Variants in PSMC4 observed in about 807,000 individuals in gnomAD.
The protein encoded by PSMC4 is 26S proteasome regulatory subunit 6B.
In PSMC4, 13 loss-of-function variants were observed where a neutral mutation model predicts 48.4. The ratio of observed to expected loss-of-function variants is 0.27; its 90% CI spans 0.18 to 0.43. The LOEUF (loss-of-function observed/expected upper bound fraction) is 0.43, where lower values mean the gene tolerates loss of function less well. PSMC4 is among the 20% of genes least tolerant of loss of function. The pLI, the probability that PSMC4 is intolerant of heterozygous loss-of-function variation, is 1.00. For missense variants in PSMC4, 262 were observed against 555.9 expected (o/e 0.47, Z 5.32); for synonymous variants, 202 against 212.3 (o/e 0.95, Z 0.42).
chr19:39,981,393 T>C lies in PSMC4; in HGVS notation c.*88T>C, dbSNP rs1234522846. On this transcript the variant is annotated 3_prime_UTR_variant, in exon 11 of 11. Coordinates refer to ENST00000157812, the MANE Select transcript of PSMC4 (RefSeq NM_006503.4). ...CTGTCCCAAAACCTCATTCCCTTTT[T>C]TCTTTACCCAGGATTGGTTTCTTCA... The C allele has an allele frequency of 2.2e-6, 2 of 915,924 alleles. No homozygotes were observed. The highest frequency in any genetic ancestry group is 1.4e-5 in the South Asian group (1 of 71,908). 56.7% of individuals were successfully genotyped at this position (915,924 alleles called of 1,614,324 possible).
chr19:39,976,397 G>A (rs1399190175), intron 6 of PSMC4, among the ~76,000 whole-genome samples: 20 of 87,868 alleles, frequency 2.3e-4, no homozygotes, highest in African/African-American at 1.2e-3. Flanking sequence ...GTGAGACTCC[G>A]TCTCAAAAAA....
At chr19:39,972,745 T>G (rs77447943) in intron 3 of PSMC4, among the ~76,000 whole-genome samples, 190 bp downstream of exon 3, 1 of 149,528 alleles carries the variant, frequency 6.7e-6, no homozygotes, top group Non-Finnish European at 1.5e-5. Context: ...ATGTTTTTTT[T>G]GTTTGTTTGT....
In PSMC4 at chr19:39,972,533, A is replaced by T; in HGVS notation, c.300A>T (p.Thr100=). 6.2e-7 allele frequency: 1 copy of T among 1,613,574 alleles called. No homozygotes were observed. The highest frequency in any genetic ancestry group is 8.5e-7 in the Non-Finnish European group (1 of 1,179,636). ...GQFLEAVDQN[T]AIVGSTTGSN... is the part of the protein sequence containing the mutation. ...TTCTGGAGGCTGTGGATCAGAATAC[A>T]GCCATCGTGGGCTCTACCACAGGTG... The change falls in exon 3 of 11, where the codon ACA becomes ACT. Residue 100 remains threonine, a synonymous_variant. Coordinates refer to ENST00000157812, the MANE Select transcript of PSMC4 (RefSeq NM_006503.4).
chr19:39,975,920 T>C (rs191195554), intron 6 of PSMC4, among the ~76,000 whole-genome samples: 13 of 152,210 alleles, frequency 8.5e-5, no homozygotes, highest in Admixed American at 3.9e-4. Context: ...GACTGTTTAT[T>C]GAACACCCAC....
Position 39,974,689 on chromosome 19 carries a change from G to A in PSMC4, c.580-46G>A, listed in dbSNP as rs756873794. On this transcript the variant is annotated intron_variant, in intron 5 of 10. Coordinates refer to ENST00000157812, the MANE Select transcript of PSMC4 (RefSeq NM_006503.4). The surrounding 1 kb of genome is among the most constrained non-coding windows in gnomAD (Gnocchi z 5.5). ...AGGCCCCATTGGGTCTGGGGTTGGA[G>A]GTGGAACCCCTGACTCCCACTTCTC... The A allele has an allele frequency of 6.2e-7, 1 of 1,610,566 alleles. No individual in the cohort carries two copies.
Position 39,974,822 on chromosome 19 carries a change from A to C in PSMC4, c.667A>C (p.Thr223Pro). 1 of 1,613,604 alleles carries C rather than the reference A, an allele frequency of 6.2e-7. No individual in the cohort carries two copies. The highest frequency in any genetic ancestry group is 8.5e-7 in the Non-Finnish European group (1 of 1,179,616). ...TMLAKAVAHH[T>P]TAAFIRVVGS... Reference sequence around the variant, plus strand: ...GTTGGCAAAGGCGGTGGCACATCACACAACAGGTGAGCCCTTTCGCCCCTG... The same window carrying C: ...GTTGGCAAAGGCGGTGGCACATCACCCAACAGGTGAGCCCTTTCGCCCCTG... The change falls in exon 6 of 11, where the codon ACA (threonine) becomes CCA (proline). Residue 223 changes from threonine to proline, a missense_variant. Physicochemically the swap from Thr to Pro is conservative, Grantham distance 38. Around this residue, in one of 4 missense-constraint regions of PSMC4, gnomAD observed 131 missense variants for 276.7 expected, o/e 0.47. Coordinates refer to ENST00000157812, the MANE Select transcript of PSMC4 (RefSeq NM_006503.4). This position sits in a 1 kb window ranked among gnomAD's most constrained non-coding sequence, Gnocchi z 5.5.
At position 39,981,203 on chromosome 19, in the gene PSMC4, G is replaced by C; in HGVS notation, c.1155G>C (p.Leu385Phe). ...INSICQESGM[L>F]AVRENRYIVL... ...TCATCCTTCAACAGAGTGGAATGTTGGCTGTCCGTGAAAACCGCTACATTG... is the reference window on the plus strand; with the variant it reads ...TCATCCTTCAACAGAGTGGAATGTTCGCTGTCCGTGAAAACCGCTACATTG... Residue 385 changes from leucine (L) to phenylalanine (F), a missense_variant, in exon 11 of 11, where the codon TTG (leucine) becomes TTC (phenylalanine). By Grantham distance (22) the Leu-to-Phe change is conservative. Coordinates refer to ENST00000157812, the MANE Select transcript of PSMC4 (RefSeq NM_006503.4). The C allele has an allele frequency of 6.2e-7, 1 of 1,613,670 alleles. No individual in the cohort carries two copies.
At position 39,974,582 on chromosome 19, in the gene PSMC4, G is replaced by A. The variant is rs1416673833; in HGVS notation, c.528G>A (p.Glu176=). The change falls in exon 5 of 11, where the codon GAG becomes GAA. Residue 176 remains glutamate (E), a synonymous_variant. Transcript: ENST00000157812. This position sits in a 1 kb window ranked among gnomAD's most constrained non-coding sequence, Gnocchi z 5.5. ...DIGGMDIQKQ[E]VREAVELPLT... ...GAGGCATGGACATCCAGAAGCAGGA[G>A]GTGCGGGAGGCCGTGGAGCTCCCGC... 2 of 1,614,116 alleles carry A rather than the reference G, an allele frequency of 1.2e-6. No individual in the cohort carries two copies. Among genetic ancestry groups the A allele is most frequent in the Admixed American group, 1.7e-5 (1 of 60,014 alleles).
intron 6 of PSMC4, among the ~76,000 whole-genome samples, chr19:39,978,083 C>T (rs1028122202): frequency 3.3e-5 from 5 of 152,222 alleles, no homozygotes; most frequent in Non-Finnish European, 7.3e-5. Flanking sequence ...CCTCAGCTCC[C>T]CAAAGTGTTG....
At position 39,971,207 on chromosome 19, in the gene PSMC4, A is replaced by T. The variant is rs1971095053; in HGVS notation, c.5A>T (p.Glu2Val). The change falls in exon 1 of 11, where the codon GAG (glutamate) becomes GTG (valine). Residue 2 changes from glutamate to valine, a missense_variant. By Grantham distance (121) the Glu-to-Val change is moderately radical. Transcript: ENST00000157812. M[E>V]EIGILVEKAQ... ...ACAGAGGCCGGCTTGGTCACTATGG[A>T]GGAGATAGGCATCTTGGTGGAGAAG... is the stretch of plus-strand genomic sequence containing the variant. 1 of 1,614,012 alleles carries T rather than the reference A, an allele frequency of 6.2e-7. No individual in the cohort carries two copies. Among genetic ancestry groups the T allele is most frequent in the African/African-American group, 1.3e-5 (1 of 74,918 alleles).
rs776963907 is a variant in PSMC4, at chr19:39,980,723, T to C, written c.1143+6T>C. 6.2e-7 allele frequency: 1 copy of C among 1,613,656 alleles called. No homozygotes were observed. The highest frequency in any genetic ancestry group is 1.7e-5 in the Admixed American group (1 of 60,012). Reference sequence around the variant, plus strand: ...TTAACTCCATCTGTCAGGAGGTAAGTGGTGGTTTCTCTCTGGATCCAGGCA... The same window carrying C: ...TTAACTCCATCTGTCAGGAGGTAAGCGGTGGTTTCTCTCTGGATCCAGGCA... On this transcript the variant is annotated splice_donor_region_variant and intron_variant, in intron 10 of 10. Coordinates refer to ENST00000157812, the MANE Select transcript of PSMC4 (RefSeq NM_006503.4). This position sits in a 1 kb window ranked among gnomAD's most constrained non-coding sequence, Gnocchi z 4.8.
chr19:39,976,609 C>T (rs1262027109), intron 6 of PSMC4, among the ~76,000 whole-genome samples: 3 of 145,280 alleles, frequency 2.1e-5, no homozygotes, highest in Admixed American at 6.9e-5. Flanking sequence ...CCCAGGTTCA[C>T]ACCATTCTCC....
Position 39,980,549 on chromosome 19 carries a change from A to G in PSMC4, c.1087+95A>G. On this transcript the variant is annotated intron_variant, in intron 9 of 10. Transcript: ENST00000157812. The surrounding 1 kb of genome is among the most constrained non-coding windows in gnomAD (Gnocchi z 4.8). Reference sequence around the variant, plus strand: ...GCCAGCACCACAGCCCAGACTGTGCAGGTGGGACCAAGGTCCAGGGAGGAG... The same window carrying G: ...GCCAGCACCACAGCCCAGACTGTGCGGGTGGGACCAAGGTCCAGGGAGGAG... 1 of 1,585,494 alleles carries G rather than the reference A, an allele frequency of 6.3e-7. No individual in the cohort carries two copies. The highest frequency in any genetic ancestry group is 1.1e-5 in the South Asian group (1 of 90,060).
intron 3 of PSMC4, among the ~76,000 whole-genome samples, chr19:39,972,822 T>C (rs1971125887): frequency 6.6e-6 from 1 of 152,080 alleles, no homozygotes; most frequent in African/African-American, 2.4e-5. Flanking sequence ...CTCGGCTCAC[T>C]GCAACCTCCA....
In PSMC4 at chr19:39,975,276, A is replaced by G. The variant is rs1971179143; in HGVS notation, c.673+448A>G. On this transcript the variant is annotated intron_variant, in intron 6 of 10. Coordinates refer to ENST00000157812, the MANE Select transcript of PSMC4 (RefSeq NM_006503.4). ...TGTGGTTCTTCAAAAATATATATAT[A>G]TATTTTAATTCTTAAATTTTTTTGT... Among the ~76,000 whole-genome samples, 3 of 152,030 alleles carry G rather than the reference A, an allele frequency of 2.0e-5. 1 individual carries two copies. The South Asian group carries it at 6.2e-4, about 31-fold the overall frequency.
rs762211596 is a variant in PSMC4, at chr19:39,980,724, G to A, written c.1143+7G>A. 1.2e-5 allele frequency: 20 copies of A among 1,613,592 alleles called. No individual in the cohort carries two copies. The highest frequency in any genetic ancestry group is 7.7e-5 in the South Asian group (7 of 91,068). On this transcript the variant is annotated splice_region_variant and intron_variant, in intron 10 of 10. Coordinates refer to ENST00000157812, the MANE Select transcript of PSMC4 (RefSeq NM_006503.4). The surrounding 1 kb of genome is among the most constrained non-coding windows in gnomAD (Gnocchi z 4.8). Reference sequence around the variant, plus strand: ...TAACTCCATCTGTCAGGAGGTAAGTGGTGGTTTCTCTCTGGATCCAGGCAG... The same window carrying A: ...TAACTCCATCTGTCAGGAGGTAAGTAGTGGTTTCTCTCTGGATCCAGGCAG...
intron 1 of PSMC4, 47 bp from the exon 2 acceptor site, chr19:39,972,099 A>T (rs746029591): frequency 6.4e-7 from 1 of 1,551,790 alleles, no homozygotes; most frequent in Non-Finnish European, 8.9e-7. Flanking sequence ...GGAAGCTTTC[A>T]TGAGAGGACT....
In PSMC4 at chr19:39,972,398, G is replaced by A. The variant is rs910063516; in HGVS notation, c.165G>A (p.Glu55=). 7 of 1,613,994 alleles carry A rather than the reference G, an allele frequency of 4.3e-6. No homozygotes were observed. The African/African-American group carries it at 8.0e-5, about 18-fold the overall frequency. Residue 55 remains glutamate, a synonymous_variant, in exon 3 of 11, where the codon GAG becomes GAA. Transcript: ENST00000157812. ...KKLQQELEFL[E]VQEEYIKDEQ... is the part of the protein sequence containing the mutation. ...TGCAGCAAGAGCTGGAGTTCCTGGA[G>A]GTGCAGGAGGAATACATCAAAGATG... is the stretch of plus-strand genomic sequence containing the variant.
At chr19:39,977,874 G>A (rs1971229197) in intron 6 of PSMC4, among the ~76,000 whole-genome samples, 1 of 151,176 alleles carries the variant, frequency 6.6e-6, no homozygotes, top group Non-Finnish European at 1.5e-5. Context: ...CTGGAGTGCA[G>A]TGGTGTGATC....
Sources: gnomAD v4.1 joint callset for allele counts (sites outside exome capture counted in the v4.1 genomes callset) on GRCh38, gnomAD v4.1.1 for gene constraint, gnomAD v4.1.1 regional missense constraint, Gnocchi (gnomAD v3.1) non-coding constraint, MANE v1.5 for transcripts, NCBI Gene and HGNC (gene_info 2026-07-23, HGNC 2026-07-21) for gene names.